Variants in COL25A1 observed in about 807,000 individuals in gnomAD.
COL25A1 encodes collagen alpha-1(XXV) chain.
Under a neutral mutation model 128.4 loss-of-function variants are expected in COL25A1, and 103 were observed. The ratio of observed to expected loss-of-function variants is 0.80; its 90% CI spans 0.68 to 0.94. COL25A1 has a LOEUF of 0.94. Among genes scored for constraint, COL25A1 ranks in the 40% least tolerant of loss-of-function variants. The pLI is 0.00. For missense variants in COL25A1, 745 were observed against 840.0 expected (o/e 0.89, Z 1.40); for synonymous variants, 279 against 277.2 (o/e 1.01, Z -0.06).
chr4:108,842,718 CTAAT>C (rs1024018446), intron 30 of COL25A1, among the ~76,000 whole-genome samples: 1 of 152,116 alleles, frequency 6.6e-6, no homozygotes, highest in Non-Finnish European at 1.5e-5. Context: ...TTCCTCTAAA[CTAAT>C]TAATTTTATG....
chr4:108,914,784 G>A (rs577008665), intron 13 of COL25A1, among the ~76,000 whole-genome samples: 15 of 151,370 alleles, frequency 9.9e-5, no homozygotes, highest in African/African-American at 2.7e-4. Flanking sequence ...CTCCCAAAGC[G>A]TTGGGATTAC....
chr4:108,896,012 C>A (rs1474834130), intron 16 of COL25A1, among the ~76,000 whole-genome samples: 6 of 128,070 alleles, frequency 4.7e-5, no homozygotes, highest in Non-Finnish European at 9.3e-5. Context: ...GTGGTGCGAT[C>A]TCCGCTCACT....
intron 3 of COL25A1, among the ~76,000 whole-genome samples, chr4:109,178,990 C>A (rs1774376017): frequency 6.6e-6 from 1 of 151,114 alleles, no homozygotes; most frequent in Admixed American, 6.6e-5. Flanking sequence ...ATCACTCAAA[C>A]AAGTAGGAAT....
intron 5 of COL25A1, among the ~76,000 whole-genome samples, chr4:109,017,406 G>T (rs1757320985): frequency 6.6e-6 from 1 of 152,212 alleles, no homozygotes; most frequent in African/African-American, 2.4e-5. Flanking sequence ...CAAAACTCAA[G>T]CAAAGGTGCC....
chr4:109,059,077 G>A (rs1285914204), intron 3 of COL25A1, among the ~76,000 whole-genome samples: 2 of 152,140 alleles, frequency 1.3e-5, no homozygotes, highest in African/African-American at 4.8e-5. Context: ...AGAACCTAAT[G>A]AGCCCCTGTA....
intron 5 of COL25A1, among the ~76,000 whole-genome samples, chr4:109,035,428 G>T (rs1214293897): frequency 1.3e-5 from 2 of 152,044 alleles, no homozygotes; most frequent in Non-Finnish European, 2.9e-5. Flanking sequence ...TAAAGAGAAA[G>T]GAGACAGATC....
chr4:108,943,806 C>A (rs1434477872), intron 8 of COL25A1, among the ~76,000 whole-genome samples: 5 of 136,536 alleles, frequency 3.7e-5, no homozygotes, highest in South Asian at 4.4e-4. Context: ...GAAACTAAAG[C>A]CTTTTATTCC....
chr4:109,227,990 T>C (rs900577870), intron 3 of COL25A1, among the ~76,000 whole-genome samples: 1 of 152,256 alleles, frequency 6.6e-6, no homozygotes, highest in East Asian at 1.9e-4. Flanking sequence ...CCTCAGGACC[T>C]GGGGCACCAC....
At chr4:108,981,336 A>G (rs1346218391) in intron 6 of COL25A1, among the ~76,000 whole-genome samples, 1 of 152,208 alleles carries the variant, frequency 6.6e-6, no homozygotes, top group Non-Finnish European at 1.5e-5. Flanking sequence ...CACATTTTTT[A>G]GAGACATTTC....
chr4:109,196,328 T>G lies in COL25A1; in HGVS notation c.367+104255A>C, dbSNP rs569486951. Among the ~76,000 whole-genome samples the G allele has an allele frequency of 9.2e-5, 14 of 152,306 alleles. No homozygotes were observed. In the South Asian group the frequency reaches 2.9e-3, roughly 32 times the overall value. ...GTATCTAAACAAAAAGGAGAAAGTTTTCCACATAGTTTATAGTGTATGAGA... is the reference window on the plus strand; with the variant it reads ...GTATCTAAACAAAAAGGAGAAAGTTGTCCACATAGTTTATAGTGTATGAGA... On this transcript the variant is annotated intron_variant, in intron 3 of 37. Transcript: ENST00000399132.
At chr4:108,895,497 T>A (rs1158462563) in intron 16 of COL25A1, among the ~76,000 whole-genome samples, 1 of 152,096 alleles carries the variant, frequency 6.6e-6, no homozygotes, top group Non-Finnish European at 1.5e-5. Context: ...GCAAAAGCTA[T>A]CACGATAGAC....
intron 3 of COL25A1, among the ~76,000 whole-genome samples, chr4:109,208,947 G>A (rs1777270366): frequency 6.6e-6 from 1 of 152,130 alleles, no homozygotes; most frequent in African/African-American, 2.4e-5. Flanking sequence ...TGAGAAAATA[G>A]GGAGTATATA....
chr4:108,984,615 G>A (rs1753450122), intron 6 of COL25A1, among the ~76,000 whole-genome samples: 1 of 152,348 alleles, frequency 6.6e-6, no homozygotes, highest in South Asian at 2.1e-4. Flanking sequence ...CTCACTGCCC[G>A]CGGCAGGTGG....
At chr4:108,925,188 A>C (rs1745903383) in intron 11 of COL25A1, among the ~76,000 whole-genome samples, 1 of 152,196 alleles carries the variant, frequency 6.6e-6, no homozygotes, top group Non-Finnish European at 1.5e-5. Context: ...TGAGCACTCA[A>C]AACAAAATAA....
At chr4:108,973,841 C>T (rs376396152) in intron 8 of COL25A1, among the ~76,000 whole-genome samples, 4 of 152,112 alleles carry the variant, frequency 2.6e-5, no homozygotes, top group African/African-American at 7.2e-5. Context: ...ACCTGCAATG[C>T]TAAATTGTAT....
At chr4:108,974,045 T>C (rs28403154) in intron 8 of COL25A1, among the ~76,000 whole-genome samples, 4,261 of 152,302 alleles carry the variant, frequency 0.028, 146 homozygotes, top group African/African-American at 0.079. Flanking sequence ...CTCTATGTTG[T>C]GAAACAATTC....
intron 13 of COL25A1, among the ~76,000 whole-genome samples, chr4:108,908,837 G>T (rs1344828985): frequency 2.0e-5 from 3 of 152,110 alleles, no homozygotes; most frequent in Non-Finnish European, 2.9e-5. Flanking sequence ...CTGATTGGTT[G>T]GTTCAGAGAT....
chr4:108,865,598 A>G (rs1474039830), intron 20 of COL25A1, among the ~76,000 whole-genome samples: 1 of 152,222 alleles, frequency 6.6e-6, no homozygotes, highest in Non-Finnish European at 1.5e-5. Context: ...ATTGGTATAT[A>G]AAAATTATTA....
intron 3 of COL25A1, among the ~76,000 whole-genome samples, chr4:109,115,331 T>C (rs112967234): frequency 0.01 from 1,566 of 152,222 alleles, 10 homozygotes; most frequent in Middle Eastern, 0.024. Context: ...TTAAAGACTT[T>C]CTTGCGTTGA....
Sources: gnomAD v4.1 joint callset for allele counts (sites outside exome capture counted in the v4.1 genomes callset) on GRCh38, gnomAD v4.1.1 for gene constraint, MANE v1.5 for transcripts, NCBI Gene and HGNC (gene_info 2026-07-23, HGNC 2026-07-21) for gene names.